FSIP1: variants seen among roughly 807,000 people sequenced by gnomAD.
FSIP1 encodes the protein fibrous sheath-interacting protein 1.
A neutral mutation model predicts 60.9 loss-of-function variants in FSIP1; 65 were observed. The ratio of observed to expected loss-of-function variants is 1.07; its 90% CI spans 0.87 to 1.31. The LOEUF is 1.31. FSIP1 is among the 40% of genes most tolerant of loss of function. FSIP1 has a pLI of 0.00. For missense variants in FSIP1, 675 were observed against 665.5 expected (o/e 1.01, Z -0.16); for synonymous variants, 209 against 221.2 (o/e 0.94, Z 0.49).
At chr15:39,601,028 G>A in intron 11 of FSIP1, 102 bp from the exon 12 acceptor site, 1 of 865,658 alleles carries the variant, frequency 1.2e-6, no homozygotes, top group Non-Finnish European at 1.8e-6. Flanking sequence ...CTTTACACAT[G>A]AGGCAATAAT....
chr15:39,771,391 AG>A lies in FSIP1; in HGVS notation c.127-782del, dbSNP rs573455130. ...AGCCCATCTGCTCTCAGCCCTCTGT[AG>A]GTTTTGTGTTTTCTCTGCACCACAT... On this transcript the variant is annotated intron_variant, in intron 2 of 11. Coordinates refer to ENST00000350221, the MANE Select transcript of FSIP1 (RefSeq NM_152597.5). Among the ~76,000 whole-genome samples, 6 of 152,270 alleles carry A rather than the reference AG, an allele frequency of 3.9e-5. No homozygotes were observed. In the East Asian group the frequency reaches 1.2e-3, roughly 29 times the overall value.
intron 1 of FSIP1, among the ~76,000 whole-genome samples, chr15:39,780,536 A>T (rs1898226693): frequency 6.6e-6 from 1 of 152,196 alleles, no homozygotes. Flanking sequence ...AGAAAAAAAA[A>T]TTTATTTTAT....
At position 39,773,503 on chromosome 15, in the gene FSIP1, C is replaced by T. The variant is rs1471533972; in HGVS notation, c.127-2893G>A. Among the ~76,000 whole-genome samples the T allele has an allele frequency of 2.6e-5, 4 of 152,202 alleles. No homozygotes were observed. In the South Asian group the frequency reaches 8.3e-4, roughly 32 times the overall value. ...CACTGATATTCTCCTTTTAATAAGT[C>T]TTGAATGAAGTAATATTAATCTGTG... On this transcript the variant is annotated intron_variant, in intron 2 of 11. Transcript: ENST00000350221.
intron 1 of FSIP1, among the ~76,000 whole-genome samples, chr15:39,779,875 T>A (rs576198611): frequency 6.6e-6 from 1 of 152,310 alleles, no homozygotes; most frequent in Non-Finnish European, 1.5e-5. Flanking sequence ...AGAAAATGAA[T>A]CCTCCTCTGT....
intron 10 of FSIP1, among the ~76,000 whole-genome samples, chr15:39,700,670 T>C (rs191955478): frequency 1.4e-4 from 22 of 152,284 alleles, no homozygotes; most frequent in Admixed American, 1.2e-3. Context: ...AGAGGAAAGA[T>C]TGCCCACCCC....
rs145012355 is a variant in FSIP1 at position 39,706,167 on chromosome 15, T to C, written c.1188+7277A>G. On this transcript the variant is annotated intron_variant, in intron 10 of 11. Coordinates refer to ENST00000350221, the MANE Select transcript of FSIP1 (RefSeq NM_152597.5). The stretch of plus-strand genomic sequence containing the variant: ...CCTGGGTTTTTTGTTTGGTTGGTTG[T>C]TTGGTTTCCTCGGGCATTATTACTT... 3.9e-5 allele frequency among the ~76,000 whole-genome samples: 6 copies of C among 152,320 alleles called. No homozygotes were observed. In the East Asian group the frequency reaches 1.2e-3, roughly 29 times the overall value.
At chr15:39,738,277 G>C (rs1186682742) in intron 7 of FSIP1, 76 bp from the exon 8 acceptor site, 23 of 916,040 alleles carry the variant, frequency 2.5e-5, no homozygotes, top group Non-Finnish European at 3.9e-5. Context: ...TGGAATCTGA[G>C]ACTTCTACAC....
intron 10 of FSIP1, among the ~76,000 whole-genome samples, chr15:39,681,129 G>GA (rs533674912): frequency 1.7e-4 from 25 of 148,528 alleles, no homozygotes; most frequent in African/African-American, 4.2e-4. Context: ...CTGTGAAGAA[G>GA]AAAAAAAAAA....
chr15:39,663,261 T>C (rs1433356218), intron 10 of FSIP1, among the ~76,000 whole-genome samples: 1 of 152,220 alleles, frequency 6.6e-6, no homozygotes, highest in Non-Finnish European at 1.5e-5. Context: ...GTGTATATGT[T>C]TTCAACAAAA....
At chr15:39,761,029 T>C (rs148571527) in intron 5 of FSIP1, among the ~76,000 whole-genome samples, 1 of 152,304 alleles carries the variant, frequency 6.6e-6, no homozygotes, top group Non-Finnish European at 1.5e-5. Flanking sequence ...TGAACTATCA[T>C]CTCACTCCTG....
intron 10 of FSIP1, among the ~76,000 whole-genome samples, chr15:39,709,375 A>G (rs1043649521): frequency 1.3e-5 from 2 of 152,368 alleles, no homozygotes; most frequent in South Asian, 4.1e-4. Context: ...CAGTAGACTA[A>G]TTTTGTATAT....
At chr15:39,748,113 T>C (rs2140662934) in intron 5 of FSIP1, among the ~76,000 whole-genome samples, 1 of 152,294 alleles carries the variant, frequency 6.6e-6, no homozygotes, top group South Asian at 2.1e-4. Context: ...CTTAATCAGC[T>C]TCTTTTTTAA....
At chr15:39,764,976 A>T (rs1025138407) in intron 4 of FSIP1, among the ~76,000 whole-genome samples, 2 of 152,212 alleles carry the variant, frequency 1.3e-5, no homozygotes, top group African/African-American at 4.8e-5. Flanking sequence ...GGAGGGGCCC[A>T]GCACTTTACC....
chr15:39,739,549 A>T, intron 7 of FSIP1, 116 bp downstream of exon 7: 1 of 961,362 alleles, frequency 1.0e-6, no homozygotes, highest in East Asian at 2.7e-5. Context: ...TACTAATTCA[A>T]TCATTTATAC....
At chr15:39,712,532 G>A (rs1354431468) in intron 10 of FSIP1, among the ~76,000 whole-genome samples, 4 of 152,122 alleles carry the variant, frequency 2.6e-5, no homozygotes, top group African/African-American at 9.7e-5. Context: ...TAGTCACATT[G>A]GTTAAAACTC....
intron 3 of FSIP1, among the ~76,000 whole-genome samples, chr15:39,766,569 TGGTAAATGCCAGTCA>T (rs1309605342): frequency 1.3e-5 from 2 of 152,224 alleles, no homozygotes; most frequent in Admixed American, 1.3e-4. Flanking sequence ...GTCATATAAC[TGGTAAATGCCAGTCA>T]GGTTCCACCC....
intron 3 of FSIP1, among the ~76,000 whole-genome samples, chr15:39,766,381 G>A (rs1220592475): frequency 6.6e-6 from 1 of 152,112 alleles, no homozygotes; most frequent in Non-Finnish European, 1.5e-5. Flanking sequence ...TATGATTAAC[G>A]ATAATAATAA....
At chr15:39,694,169 A>AT (rs558053734) in intron 10 of FSIP1, among the ~76,000 whole-genome samples, 3,529 of 146,360 alleles carry the variant, frequency 0.024, 75 homozygotes, top group African/African-American at 0.058. Context: ...CAAGAGATTT[A>AT]TTTTTTTTTT....
intron 10 of FSIP1, among the ~76,000 whole-genome samples, chr15:39,674,579 A>C (rs1465860994): frequency 1.3e-5 from 2 of 152,140 alleles, no homozygotes; most frequent in African/African-American, 2.4e-5. Context: ...GGCCCAGAAA[A>C]AAAAAAATCC....
Sources: allele counts gnomAD v4.1 joint callset (sites outside exome capture counted in the v4.1 genomes callset), GRCh38; gene constraint gnomAD v4.1.1; transcripts MANE v1.5; gene names NCBI Gene and HGNC (gene_info 2026-07-23, HGNC 2026-07-21).